The following NDRG1 variants were observed in gnomAD, a reference collection of about 807,000 sequenced individuals.
The protein encoded by NDRG1 is N-myc downstream regulated 1, also known as protein NDRG1.
In NDRG1, 32 loss-of-function variants were observed where a neutral mutation model predicts 56.9. That is an observed-to-expected ratio of 0.56 (90% confidence interval 0.42 to 0.76). NDRG1 has a LOEUF of 0.76. Ranked by LOEUF, NDRG1 falls within the 30% of genes least tolerant of loss-of-function variation. The pLI is 0.00. For missense variants in NDRG1, 507 were observed against 545.7 expected (o/e 0.93, Z 0.71); for synonymous variants, 211 against 204.1 (o/e 1.03, Z -0.29).
intron 14 of NDRG1, 105 bp downstream of exon 14, chr8:133,244,250 C>T (rs990666892): frequency 1.2e-5 from 16 of 1,388,024 alleles, no homozygotes; most frequent in Non-Finnish European, 1.4e-5. Context: ...AACTGTCATC[C>T]GATGTCACAG....
At chr8:133,253,141 C>T (rs549373350) in intron 9 of NDRG1, among the ~76,000 whole-genome samples, 60 of 152,216 alleles carry the variant, frequency 3.9e-4, no homozygotes, top group Non-Finnish European at 5.6e-4. Context: ...ATACCCTTCC[C>T]GAGGGTAGCT....
chr8:133,249,886 C>G (rs757953509), intron 10 of NDRG1, among the ~76,000 whole-genome samples: 1 of 152,234 alleles, frequency 6.6e-6, no homozygotes, highest in Middle Eastern at 3.2e-3. Flanking sequence ...GCAGGTTGAG[C>G]GAGCTCCCTG....
At chr8:133,296,398 C>G (rs1326186185) in intron 1 of NDRG1, 1 of 442,224 alleles carries the variant, frequency 2.3e-6, no homozygotes, top group Non-Finnish European at 4.6e-6. Flanking sequence ...CCGGGTTCCT[C>G]CGGGGGCGCA....
chr8:133,285,591 G>A (rs1335329814), intron 1 of NDRG1, among the ~76,000 whole-genome samples: 1 of 152,188 alleles, frequency 6.6e-6, no homozygotes, highest in Admixed American at 6.5e-5. Flanking sequence ...AGGTCAGCCG[G>A]CAAGTGCGGG....
chr8:133,277,892 G>A (rs1388523606), intron 3 of NDRG1, among the ~76,000 whole-genome samples: 1 of 152,166 alleles, frequency 6.6e-6, no homozygotes, highest in African/African-American at 2.4e-5. Flanking sequence ...CAGAGGTGAA[G>A]CATCTTGTGC....
chr8:133,244,808 C>T (rs923215209), intron 13 of NDRG1: 1 of 297,744 alleles, frequency 3.4e-6, no homozygotes, highest in Non-Finnish European at 6.5e-6. Context: ...TTGAAAGTTT[C>T]CCTCAAAAGG....
chr8:133,282,846 G>A (rs1173600130), intron 2 of NDRG1, among the ~76,000 whole-genome samples: 2 of 152,184 alleles, frequency 1.3e-5, no homozygotes, highest in East Asian at 3.9e-4. Flanking sequence ...CCTTAGTGTG[G>A]AATGATAAGC....
At chr8:133,259,498 T>C (rs1856557523) in intron 5 of NDRG1, 9 of 521,510 alleles carry the variant, frequency 1.7e-5, no homozygotes, top group Non-Finnish European at 2.4e-5. Flanking sequence ...TGCTAGGATT[T>C]CCCCTCATAG....
At chr8:133,274,798 G>A (rs544899914) in intron 3 of NDRG1, among the ~76,000 whole-genome samples, 7 of 152,270 alleles carry the variant, frequency 4.6e-5, no homozygotes, top group South Asian at 2.1e-4. Flanking sequence ...AACTGTCTAC[G>A]TCAGACAGCC....
chr8:133,258,939 A>G (rs1020709267), intron 6 of NDRG1: 8 of 601,288 alleles, frequency 1.3e-5, no homozygotes, highest in African/African-American at 1.8e-5. Context: ...AGCTGCCATC[A>G]TGCAATATAA....
Position 133,280,264 on chromosome 8 carries a change from T to C in NDRG1, c.67A>G (p.Ile23Val). 6.2e-7 allele frequency: 1 copy of C among 1,614,146 alleles called. No individual in the cohort carries two copies. Among genetic ancestry groups the C allele is most frequent in the Non-Finnish European group, 8.5e-7 (1 of 1,179,994 alleles). The change falls in exon 3 of 16, where the codon ATC becomes GTC. Residue 23 changes from isoleucine (I) to valine (V), a missense_variant. Transcript: ENST00000323851. Reference protein sequence around the residue: ...VKPLVEKGETITGLLQEFDVQ... With the variant: ...VKPLVEKGETVTGLLQEFDVQ... Reference sequence around the variant, plus strand: ...TCAAACTCTTGCAGGAGGCCGGTGATGGTCTGTGAAAAGACAAAAAAAATT... The same window carrying C: ...TCAAACTCTTGCAGGAGGCCGGTGACGGTCTGTGAAAAGACAAAAAAAATT...
intron 2 of NDRG1, chr8:133,281,113 T>C (rs1857771566): frequency 7.1e-6 from 1 of 141,546 alleles, no homozygotes; most frequent in Admixed American, 6.9e-5. Context: ...TCTCAGCACT[T>C]TGGGAGGCTG....
In NDRG1 at chr8:133,237,277, C is replaced by T. The variant is rs528575980; in HGVS notation, c.*1601G>A. ...CAATAGTTTCCCATCCGTACTCAGC[C>T]TCTCTTGCCCCGATCCCCGACTTTT... On this transcript the variant is annotated 3_prime_UTR_variant, in exon 16 of 16. Transcript: ENST00000323851. The T allele has an allele frequency of 1.1e-4, 26 of 231,000 alleles. No individual in the cohort carries two copies. In the East Asian group the frequency reaches 1.5e-3, roughly 14 times the overall value. The allele number at this position is 231,000 out of a possible 1,614,324, so 14.3% of individuals were successfully genotyped here.
rs374160497 is a variant in NDRG1 at position 133,262,066 on chromosome 8, C to T, written c.307G>A (p.Ala103Thr). The change falls in exon 5 of 16, where the codon GCA becomes ACA. Residue 103 changes from alanine (A) to threonine (T), a missense_variant. Transcript: ENST00000323851. Reference sequence around the variant, plus strand: ...TCTCACCCTGCGGGGAAGGAGGCTGCGCCGTCCTGCTGGCCAGGGGCGTCC... The same window carrying T: ...TCTCACCCTGCGGGGAAGGAGGCTGTGCCGTCCTGCTGGCCAGGGGCGTCC... ...HVDAPGQQDG[A>T]ASFPAGYMYP... 2.0e-5 allele frequency: 33 copies of T among 1,613,344 alleles called. No homozygotes were observed. Among genetic ancestry groups the T allele is most frequent in the South Asian group, 7.7e-5 (7 of 91,040 alleles).
chr8:133,242,153 G>T, intron 14 of NDRG1, 79 bp from the exon 15 acceptor site: 2 of 1,439,328 alleles, frequency 1.4e-6, no homozygotes, highest in Non-Finnish European at 2.0e-6. Context: ...CTGTGCCTGT[G>T]GTCACCTTCA....
At chr8:133,243,918 A>AT (rs1466641263) in intron 14 of NDRG1, among the ~76,000 whole-genome samples, 1 of 151,836 alleles carries the variant, frequency 6.6e-6, no homozygotes, top group East Asian at 1.9e-4. Context: ...ACATTTACAC[A>AT]TGCACACAGA....
chr8:133,240,608 G>A (rs1393498402), intron 15 of NDRG1: 1 of 152,224 alleles, frequency 6.6e-6, no homozygotes, highest in Non-Finnish European at 1.5e-5. Context: ...GAAGGCCAGT[G>A]ACCGGTTCCT....
chr8:133,254,515 G>A (rs1185707603), intron 9 of NDRG1, 24 bp downstream of exon 9: 1 of 1,613,818 alleles, frequency 6.2e-7, no homozygotes, highest in East Asian at 2.2e-5. Flanking sequence ...AGGAACAACA[G>A]ATTTGCCAGA....
At chr8:133,275,046 G>A (rs1410746394) in intron 3 of NDRG1, among the ~76,000 whole-genome samples, 2 of 152,102 alleles carry the variant, frequency 1.3e-5, no homozygotes, top group Non-Finnish European at 2.9e-5. Flanking sequence ...ACCAGTCCCC[G>A]GGCTGATACG....
Sources: gnomAD v4.1 joint callset for allele counts (sites outside exome capture counted in the v4.1 genomes callset) on GRCh38, gnomAD v4.1.1 for gene constraint, MANE v1.5 for transcripts, NCBI Gene and HGNC (gene_info 2026-07-23, HGNC 2026-07-21) for gene names.